The following GNAI1 variants were observed in gnomAD, a reference collection of about 807,000 sequenced individuals.
GNAI1 encodes the protein guanine nucleotide-binding protein G(i) subunit alpha-1.
In GNAI1, 11 loss-of-function variants were observed where a neutral mutation model predicts 38.9. That is an observed-to-expected ratio of 0.28 (90% confidence interval 0.18 to 0.47). The LOEUF is 0.47. GNAI1 is among the 20% of genes least tolerant of loss of function. GNAI1 has a pLI of 0.99. For synonymous variants in GNAI1, 166 were observed against 145.1 expected, an observed-to-expected ratio of 1.14 and a Z score of -1.04; for missense variants, 317 against 436.9, an observed-to-expected ratio of 0.73 and a Z score of 2.45.
At chr7:80,192,757 A>C (rs912422570) in intron 3 of GNAI1, among the ~76,000 whole-genome samples, 1 of 151,996 alleles carries the variant, frequency 6.6e-6, no homozygotes, top group Non-Finnish European at 1.5e-5. Flanking sequence ...GTGCAGGAGC[A>C]TGATCTCAGC....
chr7:80,149,865 A>G (rs1457990270), intron 1 of GNAI1, among the ~76,000 whole-genome samples: 3 of 152,154 alleles, frequency 2.0e-5, no homozygotes, highest in African/African-American at 7.2e-5. Context: ...TATACAAACT[A>G]AAGTAGAGAA....
chr7:80,203,962 A>G, intron 5 of GNAI1, 130 bp downstream of exon 5: 1 of 516,070 alleles, frequency 1.9e-6, no homozygotes, highest in Non-Finnish European at 3.3e-6. Flanking sequence ...CTTTCTTCAG[A>G]TGATTGGACA....
chr7:80,213,375 A>G (rs2115714446), intron 7 of GNAI1, among the ~76,000 whole-genome samples: 1 of 152,270 alleles, frequency 6.6e-6, no homozygotes, highest in South Asian at 2.1e-4. Context: ...TGGTAATGAG[A>G]CTGTTAATAG....
intron 1 of GNAI1, among the ~76,000 whole-genome samples, chr7:80,158,565 T>C (rs1787859205): frequency 6.6e-6 from 1 of 152,152 alleles, no homozygotes; most frequent in Admixed American, 6.5e-5. Flanking sequence ...ACTCACTCAC[T>C]TCTCTTCCTG....
chr7:80,196,168 T>C (rs1266838680), intron 3 of GNAI1, among the ~76,000 whole-genome samples: 1 of 152,020 alleles, frequency 6.6e-6, no homozygotes, highest in Non-Finnish European at 1.5e-5. Flanking sequence ...CCTTTCTGAG[T>C]TCTCAGAGCA....
chr7:80,174,424 C>A (rs954699811), intron 1 of GNAI1, among the ~76,000 whole-genome samples: 1 of 148,152 alleles, frequency 6.7e-6, no homozygotes, highest in Non-Finnish European at 1.5e-5. Flanking sequence ...TGCTTATTTT[C>A]CCTCTATGAA....
In GNAI1 at chr7:80,189,924, G is replaced by A. The variant is rs75596524; in HGVS notation, c.303+693G>A. The stretch of plus-strand genomic sequence containing the variant: ...GATTGGAAGCAGCCCAATCCAATCC[G>A]TAAGGCACCTTTGTTTTCTTTTTTT... On this transcript the variant is annotated intron_variant, in intron 3 of 7. Transcript: ENST00000649796. Among the ~76,000 whole-genome samples the A allele has an allele frequency of 3.4e-3, 520 of 151,832 alleles. 5 individuals carry two copies. The highest frequency in any genetic ancestry group is 0.012 in the African/African-American group (483 of 41,494).
intron 1 of GNAI1, chr7:80,187,588 T>C (rs553004340): frequency 6.6e-6 from 1 of 152,318 alleles, no homozygotes; most frequent in African/African-American, 2.4e-5. Context: ...CCTGGAACTG[T>C]AAGTTGTTCA....
rs77905674 is a variant in GNAI1, at chr7:80,150,078, G to A, written c.118+14800G>A. Among the ~76,000 whole-genome samples, 646 of 152,276 alleles carry A rather than the reference G, an allele frequency of 4.2e-3. 5 individuals carry two copies. The highest frequency in any genetic ancestry group is 0.015 in the African/African-American group (604 of 41,568). ...CAAATGTTGACTTGACAGCTTTAAT[G>A]TACTGTTGGTTGGGAGCATCAATTG... On this transcript the variant is annotated intron_variant, in intron 1 of 7. Coordinates refer to ENST00000649796, the MANE Select transcript of GNAI1 (RefSeq NM_002069.6).
chr7:80,153,343 TAGTA>T (rs1463608252), intron 1 of GNAI1, among the ~76,000 whole-genome samples: 6 of 152,240 alleles, frequency 3.9e-5, no homozygotes, highest in Admixed American at 2.6e-4. Context: ...TCTTAAAAAT[TAGTA>T]AGCTGTAGTT....
At chr7:80,212,059 A>G (rs1289557231) in intron 6 of GNAI1, among the ~76,000 whole-genome samples, 2 of 152,116 alleles carry the variant, frequency 1.3e-5, no homozygotes, top group African/African-American at 2.4e-5. Context: ...ACATTTTGGT[A>G]CCCTTGGAGG....
At chr7:80,139,435 A>C (rs1787484464) in intron 1 of GNAI1, among the ~76,000 whole-genome samples, 1 of 152,178 alleles carries the variant, frequency 6.6e-6, no homozygotes, top group African/African-American at 2.4e-5. Flanking sequence ...ACCCTTCTCC[A>C]AACAGAAACT....
At position 80,224,498 on chromosome 7, in the gene GNAI1, A is replaced by G. The variant is rs1789127575; in HGVS notation, c.*7005A>G. On this transcript the variant is annotated 3_prime_UTR_variant, in exon 8 of 8. Transcript: ENST00000649796. ...CAAAATCCAGTGTCATTTCTTAGCC[A>G]TATCTTCAAAATCCAATGGCATAAA... 6.6e-6 allele frequency among the ~76,000 whole-genome samples: 1 copy of G among 152,052 alleles called. No individual in the cohort carries two copies.
chr7:80,155,408 T>G (rs2116111973), intron 1 of GNAI1, among the ~76,000 whole-genome samples: 1 of 152,310 alleles, frequency 6.6e-6, no homozygotes, highest in East Asian at 1.9e-4. Context: ...TAACAGTGAT[T>G]TCTTTGGGCC....
rs1380149505 is a variant in GNAI1, at chr7:80,225,656, A to AATATTCCAAGGCCTT, written c.*8165_*8179dup. On this transcript the variant is annotated 3_prime_UTR_variant, in exon 8 of 8. Transcript: ENST00000649796. ...GGACTTAAATCAGGATAGAGTATCA[A>AATATTCCAAGGCCTT]ATATTCCAAGGCCTTACATGCATGT... Among the ~76,000 whole-genome samples, 1 of 152,206 alleles carries AATATTCCAAGGCCTT rather than the reference A, an allele frequency of 6.6e-6. No homozygotes were observed. Among genetic ancestry groups the AATATTCCAAGGCCTT allele is most frequent in the Non-Finnish European group, 1.5e-5 (1 of 68,034 alleles).
intron 1 of GNAI1, among the ~76,000 whole-genome samples, chr7:80,170,258 CA>C (rs1219343744): frequency 6.6e-6 from 1 of 152,146 alleles, no homozygotes; most frequent in Admixed American, 6.5e-5. Context: ...TCCTAGCAAG[CA>C]GTGTATGAAG....
At chr7:80,139,995 C>CT (rs1423353112) in intron 1 of GNAI1, among the ~76,000 whole-genome samples, 15 of 78,182 alleles carry the variant, frequency 1.9e-4, no homozygotes, top group Admixed American at 2.6e-4. Context: ...TTTTTTTTTC[C>CT]TTTTTTTTGA....
intron 1 of GNAI1, among the ~76,000 whole-genome samples, chr7:80,152,558 C>CTTTTTTTT (rs35141470): frequency 2.9e-5 from 3 of 103,006 alleles, no homozygotes; most frequent in Non-Finnish European, 5.9e-5. Context: ...GGTCTCAATT[C>CTTTTTTTT]TTTTTTTTTT....
chr7:80,179,035 G>A (rs1021575556), intron 1 of GNAI1, among the ~76,000 whole-genome samples: 2 of 152,172 alleles, frequency 1.3e-5, no homozygotes, highest in African/African-American at 4.8e-5. Context: ...TGCAGGAATA[G>A]ATATGAGAAT....
Sources: gnomAD v4.1 joint callset for allele counts (sites outside exome capture counted in the v4.1 genomes callset) on GRCh38, gnomAD v4.1.1 for gene constraint, MANE v1.5 for transcripts, NCBI Gene and HGNC (gene_info 2026-07-23, HGNC 2026-07-21) for gene names.